The following BMAL1 variants were observed in gnomAD, a reference collection of about 807,000 sequenced individuals.
BMAL1 encodes basic helix-loop-helix ARNT-like protein 1.
chr11:13,287,513 G>GAA, the BMAL1 span, among the ~76,000 whole-genome samples: 1 of 152,220 alleles, frequency 6.6e-6, no homozygotes, highest in African/African-American at 2.4e-5. Flanking sequence ...TGTCTGTACA[G>GAA]AAAAGTCTCT....
At chr11:13,323,263 A>G in the BMAL1 span, among the ~76,000 whole-genome samples, 5 of 152,172 alleles carry the variant, frequency 3.3e-5, no homozygotes, top group African/African-American at 1.2e-4. Flanking sequence ...CTAAGTGGCT[A>G]CATCTTGGCA....
At chr11:13,279,456 C>T in the BMAL1 span, among the ~76,000 whole-genome samples, 10 of 152,182 alleles carry the variant, frequency 6.6e-5, no homozygotes, top group Non-Finnish European at 1.2e-4. Context: ...CATTGATATC[C>T]GGATCTGTGA....
the BMAL1 span, among the ~76,000 whole-genome samples, chr11:13,282,947 G>T: frequency 1.3e-5 from 2 of 152,170 alleles, no homozygotes; most frequent in African/African-American, 4.8e-5. Context: ...AGAGGTGGGG[G>T]TGCAACAGGG....
At chr11:13,357,557 T>C in the BMAL1 span, among the ~76,000 whole-genome samples, 1 of 152,182 alleles carries the variant, frequency 6.6e-6, no homozygotes, top group East Asian at 1.9e-4. The surrounding 1 kb of genome is among the most constrained non-coding windows in gnomAD (Gnocchi z 4.8). Flanking sequence ...CTGTCCTGCC[T>C]CCAGCCACAC....
chr11:13,337,675 A>G, the BMAL1 span, among the ~76,000 whole-genome samples: 1 of 152,198 alleles, frequency 6.6e-6, no homozygotes, highest in African/African-American at 2.4e-5. Context: ...TTAAATTTTG[A>G]CGGTTATGAG....
chr11:13,282,983 C>T, the BMAL1 span, among the ~76,000 whole-genome samples: 1 of 152,272 alleles, frequency 6.6e-6, no homozygotes, highest in South Asian at 2.1e-4. Context: ...GCCGTAAGTA[C>T]TTAGGTCTGC....
At chr11:13,283,442 A>T in the BMAL1 span, among the ~76,000 whole-genome samples, 1 of 152,206 alleles carries the variant, frequency 6.6e-6, no homozygotes, top group Non-Finnish European at 1.5e-5. Context: ...ACCCCATAAC[A>T]ACTACATGAG....
the BMAL1 span, among the ~76,000 whole-genome samples, chr11:13,355,683 GAT>G: frequency 6.6e-6 from 1 of 152,234 alleles, no homozygotes; most frequent in Non-Finnish European, 1.5e-5. Flanking sequence ...TCAAGGAACA[GAT>G]AGAATTCTAG....
the BMAL1 span, among the ~76,000 whole-genome samples, chr11:13,342,230 G>T: frequency 2.6e-5 from 4 of 152,216 alleles, no homozygotes; most frequent in Admixed American, 6.5e-5. Context: ...GAGGGGCAGA[G>T]GACAGTGCCA....
At chr11:13,282,125 A>G in the BMAL1 span, among the ~76,000 whole-genome samples, 2 of 152,156 alleles carry the variant, frequency 1.3e-5, no homozygotes, top group Admixed American at 1.3e-4. Context: ...ACTGGAGCCT[A>G]CATCCCTTCA....
the BMAL1 span, among the ~76,000 whole-genome samples, chr11:13,370,988 G>A: frequency 6.6e-6 from 1 of 152,116 alleles, no homozygotes; most frequent in Non-Finnish European, 1.5e-5. Flanking sequence ...TCCAACCTCA[G>A]ACTGCCTTAT....
the BMAL1 span, among the ~76,000 whole-genome samples, chr11:13,363,296 T>C: frequency 2.0e-5 from 3 of 152,082 alleles, no homozygotes; most frequent in Non-Finnish European, 4.4e-5. Flanking sequence ...TTCTATCAGA[T>C]ACCCATACTT....
chr11:13,323,691 A>G, the BMAL1 span, among the ~76,000 whole-genome samples: 9 of 152,150 alleles, frequency 5.9e-5, no homozygotes, highest in Admixed American at 3.9e-4. Flanking sequence ...ATCTTGGCTC[A>G]CTGCAACCTC....
chr11:13,373,357 A>G, the BMAL1 span, among the ~76,000 whole-genome samples: 6 of 152,188 alleles, frequency 3.9e-5, no homozygotes, highest in African/African-American at 4.8e-5. Context: ...AGACAGCCAC[A>G]ACATGCTGGA....
At chr11:13,321,834 A>T in the BMAL1 span, among the ~76,000 whole-genome samples, 1 of 152,194 alleles carries the variant, frequency 6.6e-6, no homozygotes, top group Non-Finnish European at 1.5e-5. Flanking sequence ...ATGTGAAAGA[A>T]TACACAGTGC....
At chr11:13,351,224 G>A in the BMAL1 span, among the ~76,000 whole-genome samples, 11 of 152,298 alleles carry the variant, frequency 7.2e-5, no homozygotes, top group Non-Finnish European at 1.2e-4. Flanking sequence ...ATTGAATGTC[G>A]AGCTGATAGC....
At chr11:13,306,000 G>A in the BMAL1 span, among the ~76,000 whole-genome samples, 5 of 152,310 alleles carry the variant, frequency 3.3e-5, no homozygotes, top group African/African-American at 1.2e-4. Context: ...CTTGGATCCT[G>A]AGGTCCCAGC....
chr11:13,292,966 A>G, the BMAL1 span, among the ~76,000 whole-genome samples: 6 of 152,322 alleles, frequency 3.9e-5, no homozygotes, highest in African/African-American at 9.6e-5. Context: ...TTGGGAAGCA[A>G]TGAGTCTAGC....
the BMAL1 span, among the ~76,000 whole-genome samples, chr11:13,298,340 G>A: frequency 6.6e-6 from 1 of 152,098 alleles, no homozygotes; most frequent in Non-Finnish European, 1.5e-5. Flanking sequence ...TTCCCCCAGA[G>A]GTGTGTATGG....
Sources: gnomAD v4.1 joint callset for allele counts (sites outside exome capture counted in the v4.1 genomes callset) on GRCh38, gnomAD v4.1.1 for gene constraint, Gnocchi (gnomAD v3.1) non-coding constraint, MANE v1.5 for transcripts, NCBI Gene and HGNC (gene_info 2026-07-23, HGNC 2026-07-21) for gene names.